LTBP4: variants seen among roughly 807,000 people sequenced by gnomAD.
LTBP4 encodes the protein latent transforming growth factor beta binding protein 4.
Under a neutral mutation model 180.2 loss-of-function variants are expected in LTBP4, and 93 were observed. The observed-to-expected ratio is 0.52, with a 90% CI of 0.44 to 0.61. LTBP4 has a LOEUF of 0.61. LTBP4 is among the 20% of genes least tolerant of loss of function. The probability of loss-of-function intolerance (pLI) is 0.00; values close to 1 mark genes in which losing one functional copy is unlikely to be tolerated. For missense variants in LTBP4, 2,116 were observed against 2,256.5 expected, an observed-to-expected ratio of 0.94 and a Z score of 1.26; for synonymous variants, 947 against 934.5, an observed-to-expected ratio of 1.01 and a Z score of -0.24.
chr19:40,614,486 G>C (rs1203613252), intron 19 of LTBP4, 40 bp downstream of exon 19: 2 of 1,583,828 alleles, frequency 1.3e-6, no homozygotes, highest in Non-Finnish European at 1.7e-6. Flanking sequence ...CGCTTGCAAC[G>C]CGGTGCTGGA....
upstream of LTBP4, chr19:40,599,072 T>G: frequency 1.2e-6 from 1 of 855,486 alleles, no homozygotes; most frequent in Non-Finnish European, 2.0e-6. Context: ...GAGAAGAACC[T>G]CGTTAGTCAT....
At position 40,627,773 on chromosome 19, in the gene LTBP4, G is replaced by A. The variant is rs1324797536; in HGVS notation, c.4435G>A (p.Gly1479Ser). The A allele has an allele frequency of 1.9e-6, 3 of 1,582,094 alleles. No homozygotes were observed. The highest frequency in any genetic ancestry group is 1.2e-5 in the South Asian group (1 of 86,824). Residue 1479 changes from glycine to serine, a missense_variant, in exon 29 of 30, where the codon GGC (glycine) becomes AGC (serine). Gly to Ser is a moderately conservative substitution (Grantham distance 56). Transcript: ENST00000396819. ...ECGILDGCTN[G>S]RCVRVPEGFT... ...CGGGATCCTGGACGGCTGCACCAAC[G>A]GCCGCTGCGTGCGCGTCCCCGAAGG...
In LTBP4 at chr19:40,609,902, C is replaced by T. The variant is rs1335163614; in HGVS notation, c.1684+31C>T. On this transcript the variant is annotated intron_variant, in intron 11 of 29. Transcript: ENST00000396819. This position sits in a 1 kb window ranked among gnomAD's most constrained non-coding sequence, Gnocchi z 4.9. ...AAATTTGCCCCACCCGGCTCCAGGC[C>T]CACCCCAGGGTCTCGCTCCTGCTCT... 4.7e-6 allele frequency: 7 copies of T among 1,501,272 alleles called. No individual in the cohort carries two copies. The East Asian group carries it at 1.5e-4, about 32-fold the overall frequency. The allele number at this position is 1,501,272 out of a possible 1,614,324, so 93.0% of individuals were successfully genotyped here. A position where few individuals can be genotyped will look rare whatever the true frequency, so the allele number is the denominator to read the frequency against.
intron 26 of LTBP4, among the ~76,000 whole-genome samples, chr19:40,624,292 G>GC (rs2081609490): frequency 2.3e-5 from 1 of 42,870 alleles, no homozygotes; most frequent in Admixed American, 1.6e-4. Flanking sequence ...AAAAGTTTTA[G>GC]GGCAACCTTT....
chr19:40,618,365 T>C (rs1433446978), intron 21 of LTBP4, among the ~76,000 whole-genome samples: 1 of 150,854 alleles, frequency 6.6e-6, no homozygotes, highest in Non-Finnish European at 1.5e-5. Context: ...GTTCAAGCAA[T>C]TCTCCTGCCT....
At chr19:40,628,819 G>A (rs1448180264) in intron 29 of LTBP4, among the ~76,000 whole-genome samples, 3 of 151,864 alleles carry the variant, frequency 2.0e-5, no homozygotes, top group East Asian at 3.8e-4. Context: ...ATTTATTGTT[G>A]TTGACACCAT....
chr19:40,600,054 C>G (rs2081412659), upstream of LTBP4: 1 of 1,246,876 alleles, frequency 8.0e-7, no homozygotes, highest in Non-Finnish European at 1.0e-6. This position sits in a 1 kb window ranked among gnomAD's most constrained non-coding sequence, Gnocchi z 4.4. Context: ...GCTTTTCCGT[C>G]CTCTCCCACC....
In LTBP4 at chr19:40,625,822, A is replaced by G. The variant is rs1029672336; in HGVS notation, c.3833-35A>G. Reference sequence around the variant, plus strand: ...CAGCCCCTGGGAGGACCTGAGTGCCAGGCCCACTCTGACACATGCTGTCTC... The same window carrying G: ...CAGCCCCTGGGAGGACCTGAGTGCCGGGCCCACTCTGACACATGCTGTCTC... On this transcript the variant is annotated intron_variant, in intron 26 of 29. Coordinates refer to ENST00000396819, the MANE Select transcript of LTBP4 (RefSeq NM_001042545.2). 5.3e-6 allele frequency: 8 copies of G among 1,503,554 alleles called. No homozygotes were observed. In the African/African-American group the frequency reaches 1.1e-4, roughly 21 times the overall value. The allele number at this position is 1,503,554 out of a possible 1,614,324, so 93.1% of individuals were successfully genotyped here.
chr19:40,607,552 AGC>A (rs1307638186), intron 7 of LTBP4, 23 bp downstream of exon 7: 2 of 1,587,306 alleles, frequency 1.3e-6, no homozygotes, highest in Non-Finnish European at 1.7e-6. Flanking sequence ...GGCAGTGCCT[AGC>A]CCTACGCGCA....
rs779819488 is a variant in LTBP4 at position 40,627,842 on chromosome 19, C to T, written c.4504C>T (p.Arg1502Cys). The T allele has an allele frequency of 6.3e-5, 98 of 1,567,730 alleles. No homozygotes were observed. The highest frequency in any genetic ancestry group is 8.1e-5 in the Non-Finnish European group (94 of 1,163,170). ...CFDGYRLDMT[R>C]MACVDINECD... ...CGACGGCTACCGCCTGGACATGACC[C>T]GCATGGCCTGCGTTGGTGAGGGCGG... is the stretch of plus-strand genomic sequence containing the variant. Residue 1502 changes from arginine to cysteine, a missense_variant, in exon 29 of 30, where the codon CGC (arginine) becomes TGC (cysteine). This residue lies in a region of LTBP4 where 488 missense variants were observed against 458.8 expected (regional missense o/e 1.06). Coordinates refer to ENST00000396819, the MANE Select transcript of LTBP4 (RefSeq NM_001042545.2).
Position 40,627,699 on chromosome 19 carries a change from C to G in LTBP4, c.4367-6C>G, listed in dbSNP as rs759170219. ...TCAAGTCATAGGGTCCCCGCATTTC[C>G]CACAGGTTCCCTGGCTGAGCCCTAC... is the stretch of plus-strand genomic sequence containing the variant. On this transcript the variant is annotated splice_polypyrimidine_tract_variant and splice_region_variant and intron_variant, in intron 28 of 29. Transcript: ENST00000396819. 1.3e-6 allele frequency: 2 copies of G among 1,586,478 alleles called. No individual in the cohort carries two copies. The highest frequency in any genetic ancestry group is 1.7e-6 in the Non-Finnish European group (2 of 1,167,846).
rs74761092 is a variant in LTBP4, at chr19:40,621,818, G to A, written c.3218-583G>A. On this transcript the variant is annotated intron_variant, in intron 22 of 29. Transcript: ENST00000396819. ...GGCTAGAATGCAGTGGTGTGATCTC[G>A]GCTCACTGCAACTTCCGCTCCCGGG... 2.0e-3 allele frequency among the ~76,000 whole-genome samples: 305 copies of A among 151,816 alleles called. 7 individuals are homozygous for A. In the East Asian group the frequency reaches 0.04, roughly 20 times the overall value.
rs1207311758 is a variant in LTBP4, at chr19:40,609,736, G to A, written c.1559-10G>A. ...GGTCACCTTGTCACCAGCCCCCTCC[G>A]TGTCCTCAGATGTGGACGAATGTCG... is the stretch of plus-strand genomic sequence containing the variant. On this transcript the variant is annotated splice_polypyrimidine_tract_variant and intron_variant, in intron 10 of 29. Coordinates refer to ENST00000396819, the MANE Select transcript of LTBP4 (RefSeq NM_001042545.2). This position sits in a 1 kb window ranked among gnomAD's most constrained non-coding sequence, Gnocchi z 4.9. The A allele has an allele frequency of 2.5e-6, 4 of 1,611,342 alleles. No homozygotes were observed. Among genetic ancestry groups the A allele is most frequent in the African/African-American group, 2.7e-5 (2 of 74,880 alleles).
chr19:40,602,431 C>G (rs1004169363), intron 1 of LTBP4, among the ~76,000 whole-genome samples: 1 of 152,012 alleles, frequency 6.6e-6, no homozygotes, highest in Non-Finnish European at 1.5e-5. Context: ...GCCTTCCTGC[C>G]CCCTACCCCG....
rs566716472 is a variant in LTBP4 at position 40,608,337 on chromosome 19, G to A, written c.1274G>A (p.Arg425His). The change falls in exon 8 of 30, where the codon CGT (arginine) becomes CAT (histidine). Residue 425 changes from arginine (R) to histidine (H), a missense_variant. Arg to His is a conservative substitution (Grantham distance 29, BLOSUM62 0). Around this residue, in one of 5 missense-constraint regions of LTBP4, gnomAD observed 877 missense variants for 873.6 expected, o/e 1.00. Transcript: ENST00000396819. ...EPPRVSLSQP[R>H]TLPATSRPSA... ...CCCCGAGTGTCACTCAGCCAGCCTCGTACCCTGCCAGCCACCTCTCGGCCA... is the reference window on the plus strand; with the variant it reads ...CCCCGAGTGTCACTCAGCCAGCCTCATACCCTGCCAGCCACCTCTCGGCCA... 34 of 1,613,404 alleles carry A rather than the reference G, an allele frequency of 2.1e-5. No individual in the cohort carries two copies. Among genetic ancestry groups the A allele is most frequent in the South Asian group, 9.9e-5 (9 of 90,980 alleles).
chr19:40,593,433 A>G (rs1239241667), intron 1 of LTBP4, among the ~76,000 whole-genome samples: 3 of 151,894 alleles, frequency 2.0e-5, no homozygotes, highest in Admixed American at 1.3e-4. Context: ...TTGTAGAGAC[A>G]TTGTCTCACT....
intron 26 of LTBP4, 145 bp from the exon 27 acceptor site, chr19:40,625,712 A>G (rs2081628765): frequency 1.5e-6 from 1 of 683,778 alleles, no homozygotes; most frequent in Non-Finnish European, 2.3e-6. Flanking sequence ...GTGACCTCAG[A>G]GAACTTCCAG....
At chr19:40,600,205 G>A, upstream of LTBP4, 2 of 1,193,592 alleles carry the variant, frequency 1.7e-6, no homozygotes, top group Non-Finnish European at 1.1e-6. This position sits in a 1 kb window ranked among gnomAD's most constrained non-coding sequence, Gnocchi z 4.4. Context: ...TCCTCCGCCT[G>A]GGGCGAGGGG....
rs200326179 is a variant in LTBP4, at chr19:40,604,026, G to GT, written c.251-1008dup. Among the ~76,000 whole-genome samples, 18 of 152,390 alleles carry GT rather than the reference G, an allele frequency of 1.2e-4. No individual in the cohort carries two copies. The East Asian group carries it at 3.5e-3, about 29-fold the overall frequency. ...CTCCGCCCCGGTGCTACTGGAGGCT[G>GT]TAAGGCCGAGCTAGAACTCTAAAGC... On this transcript the variant is annotated intron_variant, in intron 1 of 29. Coordinates refer to ENST00000396819, the MANE Select transcript of LTBP4 (RefSeq NM_001042545.2).
Sources: gnomAD v4.1 joint callset for allele counts (sites outside exome capture counted in the v4.1 genomes callset) on GRCh38, gnomAD v4.1.1 for gene constraint, gnomAD v4.1.1 regional missense constraint, Gnocchi (gnomAD v3.1) non-coding constraint, MANE v1.5 for transcripts, NCBI Gene and HGNC (gene_info 2026-07-23, HGNC 2026-07-21) for gene names.